The following BTBD2 variants were observed in gnomAD, a reference collection of about 807,000 sequenced individuals.
BTBD2 encodes BTB domain containing 2, also known as BTB/POZ domain-containing protein 2.
Under a neutral mutation model 44.0 loss-of-function variants are expected in BTBD2, and 15 were observed. That is an observed-to-expected ratio of 0.34 (90% CI 0.23 to 0.53). The LOEUF (loss-of-function observed/expected upper bound fraction) is 0.53. Ranked by LOEUF, BTBD2 falls within the 20% of genes least tolerant of loss-of-function variation. The pLI is 0.95. For synonymous variants in BTBD2, 443 were observed against 335.9 expected (o/e 1.32, Z -3.49); for missense variants, 657 against 746.4 (o/e 0.88, Z 1.39).
At chr19:2,011,738 G>A (rs2016467146) in intron 1 of BTBD2, among the ~76,000 whole-genome samples, 1 of 151,946 alleles carries the variant, frequency 6.6e-6, no homozygotes, top group Non-Finnish European at 1.5e-5. Flanking sequence ...TGCCACCCCG[G>A]AGACAGACCC....
chr19:1,997,263 T>C, intron 2 of BTBD2, 81 bp downstream of exon 2: 1 of 1,584,906 alleles, frequency 6.3e-7, no homozygotes, highest in Non-Finnish European at 8.6e-7. Flanking sequence ...GCCTCTGAGC[T>C]GGTGTCAGAC....
intron 1 of BTBD2, among the ~76,000 whole-genome samples, chr19:2,006,528 A>AAAAAAAG (rs1568221825): frequency 6.6e-6 from 1 of 150,686 alleles, no homozygotes; most frequent in African/African-American, 2.5e-5. Flanking sequence ...AAAAGAAAAG[A>AAAAAAAG]AAAATCACCC....
At chr19:1,999,906 G>A (rs567464714) in intron 1 of BTBD2, among the ~76,000 whole-genome samples, 1 of 150,004 alleles carries the variant, frequency 6.7e-6, no homozygotes, top group African/African-American at 2.5e-5. Context: ...AGGTTTCAGT[G>A]AGCCAAGATC....
intron 3 of BTBD2, 70 bp downstream of exon 3, chr19:1,992,933 CTCCGCCTCCAGCCTCGG>C (rs2016199885): frequency 1.2e-6 from 1 of 840,720 alleles, no homozygotes; most frequent in African/African-American, 1.9e-5. Context: ...CCGGCCCCGC[CTCCGCCTCCAGCCTCGG>C]TCCGCCCCAC....
Position 1,990,427 on chromosome 19 carries a change from T to C in BTBD2, c.791-226A>G, listed in dbSNP as rs1423076495. The stretch of plus-strand genomic sequence containing the variant: ...TTGTTTTTAAGCCACAAGGACAGAC[T>C]TGAGTAGCTTTGACAAAAGCTGTTC... On this transcript the variant is annotated intron_variant, in intron 4 of 8. Coordinates refer to ENST00000255608, the MANE Select transcript of BTBD2 (RefSeq NM_017797.4). 4 of 618,970 alleles carry C rather than the reference T, an allele frequency of 6.5e-6. No homozygotes were observed. The African/African-American group carries it at 7.4e-5, about 11-fold the overall frequency. The allele number at this position is 618,970 out of a possible 1,614,324, so 38.3% of individuals were successfully genotyped here.
chr19:1,996,493 G>GTCA (rs2016252624), intron 2 of BTBD2, among the ~76,000 whole-genome samples: 2 of 75,516 alleles, frequency 2.6e-5, no homozygotes, highest in African/African-American at 7.8e-5. Context: ...TTTTGTTGTT[G>GTCA]TTGTTATTTT....
chr19:1,992,440 A>C (rs545335080), intron 3 of BTBD2, among the ~76,000 whole-genome samples: 2 of 151,750 alleles, frequency 1.3e-5, no homozygotes, highest in African/African-American at 2.4e-5. Context: ...GGGTCTCTCT[A>C]TGTTGCCTAG....
chr19:2,001,017 C>G (rs1236212314), intron 1 of BTBD2, among the ~76,000 whole-genome samples: 1 of 152,238 alleles, frequency 6.6e-6, no homozygotes, highest in Non-Finnish European at 1.5e-5. Context: ...GGCACAGTGG[C>G]TCACGCCTGT....
In BTBD2 at chr19:1,991,235, C is replaced by G. The variant is rs45490793; in HGVS notation, c.685-413G>C. On this transcript the variant is annotated intron_variant, in intron 3 of 8. Coordinates refer to ENST00000255608, the MANE Select transcript of BTBD2 (RefSeq NM_017797.4). The stretch of plus-strand genomic sequence containing the variant: ...CCCGACCACAACATGCCCTTGGCCA[C>G]TTGTGGTGGGAGGGGCCGTGTCCCC... 1,295 of 176,238 alleles carry G rather than the reference C, an allele frequency of 7.3e-3. 8 individuals carry two copies. Among genetic ancestry groups the G allele is most frequent in the Non-Finnish European group, 0.012 (993 of 82,336 alleles). 10.9% of individuals were successfully genotyped at this position (176,238 alleles called of 1,614,324 possible).
chr19:1,987,732 C>T (rs1045609662), intron 5 of BTBD2, 40 bp from the exon 6 acceptor site: 2 of 1,528,844 alleles, frequency 1.3e-6, no homozygotes, highest in Non-Finnish European at 1.8e-6. Context: ...CCGGGCTGCA[C>T]CCCAGGATCC....
At chr19:1,999,414 C>T (rs2016296195) in intron 1 of BTBD2, among the ~76,000 whole-genome samples, 1 of 152,238 alleles carries the variant, frequency 6.6e-6, no homozygotes, top group African/African-American at 2.4e-5. Context: ...CACCCGTCAT[C>T]CCAGCATGTG....
chr19:2,012,726 G>C (rs2016482770), intron 1 of BTBD2, among the ~76,000 whole-genome samples: 1 of 152,144 alleles, frequency 6.6e-6, no homozygotes, highest in Non-Finnish European at 1.5e-5. Context: ...AGCCCCCCGG[G>C]GGCAGACCCC....
At chr19:2,004,386 C>A (rs1217893064) in intron 1 of BTBD2, among the ~76,000 whole-genome samples, 2 of 151,140 alleles carry the variant, frequency 1.3e-5, no homozygotes, top group Non-Finnish European at 2.9e-5. Flanking sequence ...CAAAATCTGC[C>A]TCCCGGGTGC....
intron 1 of BTBD2, among the ~76,000 whole-genome samples, chr19:1,998,085 T>G (rs1211635726): frequency 7.8e-6 from 1 of 127,806 alleles, no homozygotes; most frequent in East Asian, 2.5e-4. Flanking sequence ...ACTCATTCAC[T>G]CACCCATTCA....
intron 1 of BTBD2, among the ~76,000 whole-genome samples, chr19:2,010,119 T>G (rs1253180895): frequency 6.6e-6 from 1 of 150,994 alleles, no homozygotes; most frequent in Non-Finnish European, 1.5e-5. Flanking sequence ...GCCACTGGAC[T>G]CCAGCCTGGG....
intron 1 of BTBD2, among the ~76,000 whole-genome samples, chr19:1,997,814 A>G (rs2016271333): frequency 6.6e-6 from 1 of 152,260 alleles, no homozygotes; most frequent in South Asian, 2.1e-4. Flanking sequence ...GTTCATTCAC[A>G]CATGCATTCA....
chr19:1,996,202 T>C (rs988984310), intron 2 of BTBD2, among the ~76,000 whole-genome samples: 10 of 152,206 alleles, frequency 6.6e-5, no homozygotes, highest in Non-Finnish European at 1.2e-4. Context: ...GTTTTGATGA[T>C]TGTAGCTTTG....
chr19:2,012,372 G>C (rs1361978149), intron 1 of BTBD2, among the ~76,000 whole-genome samples: 1 of 139,360 alleles, frequency 7.2e-6, no homozygotes, highest in Non-Finnish European at 1.5e-5. Flanking sequence ...GGCTGGTCTC[G>C]ATCTCCCGAC....
chr19:1,997,294 T>A (rs1197263708), intron 2 of BTBD2, 50 bp downstream of exon 2: 2 of 1,610,590 alleles, frequency 1.2e-6, no homozygotes, highest in African/African-American at 2.7e-5. Flanking sequence ...TTCTCTGAGG[T>A]CCCCCTCCCC....
Sources: allele counts gnomAD v4.1 joint callset (sites outside exome capture counted in the v4.1 genomes callset), GRCh38; gene constraint gnomAD v4.1.1; transcripts MANE v1.5; gene names NCBI Gene and HGNC (gene_info 2026-07-23, HGNC 2026-07-21).